Variants in SGCD observed in about 807,000 individuals in gnomAD.
SGCD encodes sarcoglycan delta.
SGCD carries 18 observed loss-of-function variants against 36.6 expected under a neutral mutation model. The observed-to-expected ratio is 0.49, with a 90% CI of 0.34 to 0.73. SGCD has a LOEUF of 0.73. SGCD is among the 30% of genes least tolerant of loss of function. SGCD has a pLI of 0.01. For missense variants in SGCD, 387 were observed against 346.7 expected (o/e 1.12, Z -0.92); for synonymous variants, 133 against 130.6 (o/e 1.02, Z -0.12).
At chr5:156,362,815 A>G (rs923137782) in intron 3 of SGCD, among the ~76,000 whole-genome samples, 1 of 152,158 alleles carries the variant, frequency 6.6e-6, no homozygotes, top group African/African-American at 2.4e-5. Context: ...ACCTTCAAAC[A>G]TTGTAAATGG....
chr5:155,735,784 C>T, the SGCD span, among the ~76,000 whole-genome samples: 4 of 152,200 alleles, frequency 2.6e-5, no homozygotes, highest in African/African-American at 7.2e-5. Flanking sequence ...TGTTGGAGAG[C>T]ATCTTGGCAG....
chr5:156,574,229 C>T (rs1164741792), intron 4 of SGCD, among the ~76,000 whole-genome samples: 1 of 152,148 alleles, frequency 6.6e-6, no homozygotes, highest in Non-Finnish European at 1.5e-5. Flanking sequence ...AAGCCATGCT[C>T]TTAATCACTA....
the SGCD span, among the ~76,000 whole-genome samples, chr5:155,855,030 T>C: frequency 6.6e-6 from 1 of 152,190 alleles, no homozygotes; most frequent in Non-Finnish European, 1.5e-5. Flanking sequence ...TTTCAACTCC[T>C]GTGGGATTCT....
At chr5:156,221,647 A>G (rs977855939) in intron 3 of SGCD, among the ~76,000 whole-genome samples, 5 of 152,010 alleles carry the variant, frequency 3.3e-5, no homozygotes, top group African/African-American at 1.2e-4. Context: ...AATAATTTTT[A>G]TGTTTATTAT....
intron 3 of SGCD, among the ~76,000 whole-genome samples, chr5:156,187,611 G>A (rs1046825591): frequency 2.8e-5 from 4 of 144,000 alleles, no homozygotes; most frequent in African/African-American, 1.0e-4. Context: ...GTGGCATGAT[G>A]TATGAGGATT....
chr5:155,896,645 C>CA lies in SGCD; in HGVS notation c.-282+26233dup, dbSNP rs34856419. Among the ~76,000 whole-genome samples the CA allele has an allele frequency of 8.9e-3, 1,135 of 128,012 alleles. 12 individuals carry two copies. Among genetic ancestry groups the CA allele is most frequent in the African/African-American group, 0.026 (906 of 35,154 alleles). The allele number at this position is 128,012 out of a possible 152,430, so 84.0% of individuals were successfully genotyped here. A position where few individuals can be genotyped will look rare whatever the true frequency, so the allele number is the denominator to read the frequency against. ...TGGGTGACAGAGAGAGACCGTGTCT[C>CA]AAAAAAAAAAAAGACAATAATAACA... is the stretch of plus-strand genomic sequence containing the variant. On this transcript the variant is annotated intron_variant, in intron 1 of 9. Coordinates refer to the SGCD transcript ENST00000517913.
rs936616282 is a variant in SGCD, at chr5:156,042,456, A to G, written c.-281-75422A>G. Among the ~76,000 whole-genome samples, 12 of 152,230 alleles carry G rather than the reference A, an allele frequency of 7.9e-5. 1 individual carries two copies. Among genetic ancestry groups the G allele is most frequent in the Admixed American group, 5.2e-4 (8 of 15,280 alleles). On this transcript the variant is annotated intron_variant, in intron 1 of 9. Coordinates refer to the SGCD transcript ENST00000517913. ...TTTTGCCCACTGCCCAGATAGAGCCAATTTATCAAGATGGAGAATTGCAAT... is the reference window on the plus strand; with the variant it reads ...TTTTGCCCACTGCCCAGATAGAGCCGATTTATCAAGATGGAGAATTGCAAT...
chr5:156,324,892 TTC>T (rs1767766988), upstream of SGCD, among the ~76,000 whole-genome samples: 1 of 152,252 alleles, frequency 6.6e-6, no homozygotes, highest in Non-Finnish European at 1.5e-5. Flanking sequence ...AGCAGCTATT[TTC>T]TCTGAAAGAT....
At chr5:155,792,426 T>A in the SGCD span, among the ~76,000 whole-genome samples, 2 of 81,774 alleles carry the variant, frequency 2.4e-5, no homozygotes, top group African/African-American at 5.0e-5. Context: ...AAAGAGTTTC[T>A]ACATAGCAAA....
chr5:156,345,618 G>C (rs1768901475), intron 3 of SGCD, among the ~76,000 whole-genome samples: 1 of 152,098 alleles, frequency 6.6e-6, no homozygotes, highest in Non-Finnish European at 1.5e-5. Context: ...TTGAGTCCAG[G>C]AGTTCAAGAT....
chr5:155,751,507 C>G, the SGCD span, among the ~76,000 whole-genome samples: 2 of 152,110 alleles, frequency 1.3e-5, no homozygotes, highest in African/African-American at 4.8e-5. Flanking sequence ...TCAGCTGAGC[C>G]TCCCCAGTGG....
At chr5:156,691,166 C>T (rs906169660) in intron 7 of SGCD, among the ~76,000 whole-genome samples, 9 of 131,134 alleles carry the variant, frequency 6.9e-5, no homozygotes, top group Admixed American at 2.7e-4. Flanking sequence ...GAGATTGTGC[C>T]ACTGCACTCC....
intron 1 of SGCD, among the ~76,000 whole-genome samples, chr5:156,078,510 C>CA (rs60477201): frequency 0.026 from 2,652 of 100,686 alleles, 164 homozygotes; most frequent in Admixed American, 0.14. Flanking sequence ...AAGACTGTCT[C>CA]AAAAAAAAAA....
chr5:156,610,263 T>A (rs1169434304), intron 6 of SGCD, among the ~76,000 whole-genome samples: 5 of 152,298 alleles, frequency 3.3e-5, no homozygotes, highest in African/African-American at 7.2e-5. Flanking sequence ...CTTCTAACAG[T>A]CAGGACCCTC....
intron 4 of SGCD, among the ~76,000 whole-genome samples, chr5:156,554,133 A>G (rs1483239839): frequency 4.6e-5 from 7 of 152,126 alleles, no homozygotes; most frequent in Non-Finnish European, 1.5e-5. Flanking sequence ...AGGCAGTCAG[A>G]TCACTTGAGG....
chr5:155,968,116 A>G (rs1757938100), intron 1 of SGCD, among the ~76,000 whole-genome samples: 1 of 152,116 alleles, frequency 6.6e-6, no homozygotes, highest in Non-Finnish European at 1.5e-5. Context: ...CCTTAAAGTG[A>G]TCATCACTTT....
the SGCD span, among the ~76,000 whole-genome samples, chr5:155,786,065 G>A: frequency 6.6e-6 from 1 of 152,256 alleles, no homozygotes; most frequent in South Asian, 2.1e-4. Context: ...CTCTCTAACT[G>A]TGCTGCTTAG....
chr5:156,387,027 G>A (rs909763234), intron 3 of SGCD, among the ~76,000 whole-genome samples: 4 of 152,124 alleles, frequency 2.6e-5, no homozygotes, highest in African/African-American at 9.7e-5. Flanking sequence ...ATGCCTAATG[G>A]ATTCTGAAAT....
intron 3 of SGCD, among the ~76,000 whole-genome samples, chr5:156,268,628 T>C (rs1766067235): frequency 6.6e-6 from 1 of 152,060 alleles, no homozygotes. Context: ...GTTTCTCTCT[T>C]GTTGCCGAGG....
Sources: allele counts gnomAD v4.1 joint callset (sites outside exome capture counted in the v4.1 genomes callset), GRCh38; gene constraint gnomAD v4.1.1; transcripts MANE v1.5; gene names NCBI Gene and HGNC (gene_info 2026-07-23, HGNC 2026-07-21).